The following RSPH3 variants were observed in gnomAD, a reference collection of about 807,000 sequenced individuals.
RSPH3 encodes the protein radial spoke head 3.
RSPH3 carries 21 observed loss-of-function variants against 43.8 expected under a neutral mutation model. The ratio of observed to expected loss-of-function variants is 0.48; its 90% CI spans 0.34 to 0.69. The LOEUF is 0.69. Among genes scored for constraint, RSPH3 ranks in the 30% least tolerant of loss-of-function variants. The pLI is 0.01. For synonymous variants in RSPH3, 173 were observed against 179.8 expected, an observed-to-expected ratio of 0.96 and a Z score of 0.30; for missense variants, 487 against 516.0, an observed-to-expected ratio of 0.94 and a Z score of 0.54.
chr6:158,997,271 C>CTTTTTTTTTTTTTTT (rs35951023), intron 1 of RSPH3, among the ~76,000 whole-genome samples: 1 of 129,102 alleles, frequency 7.7e-6, no homozygotes. Context: ...CTCCTGAACA[C>CTTTTTTTTTTTTTTT]TTTTTTTTTT....
intron 2 of RSPH3, among the ~76,000 whole-genome samples, chr6:158,991,608 T>C (rs371607632): frequency 1.3e-5 from 2 of 152,258 alleles, no homozygotes. Context: ...CCCCACTGGG[T>C]TTGCTGGCAC....
At position 158,999,897 on chromosome 6, in the gene RSPH3, G is replaced by A; in HGVS notation, c.-347C>T. On this transcript the variant is annotated 5_prime_UTR_variant, in exon 1 of 8. Transcript: ENST00000367069. ...GACTTCCGGCTCTTGACTCCGCCCA[G>A]CCGCGCCACCCAGGTAGGTGCGCCT... is the stretch of plus-strand genomic sequence containing the variant. 1 of 1,613,314 alleles carries A rather than the reference G, an allele frequency of 6.2e-7. No homozygotes were observed. The highest frequency in any genetic ancestry group is 8.5e-7 in the Non-Finnish European group (1 of 1,179,870).
At chr6:158,992,135 C>A (rs1361241372) in intron 2 of RSPH3, among the ~76,000 whole-genome samples, 1 of 141,864 alleles carries the variant, frequency 7.0e-6, no homozygotes, top group Non-Finnish European at 1.5e-5. Context: ...ATTTGACATT[C>A]AACAACATTC....
rs1393870085 is a variant in RSPH3 at position 158,976,812 on chromosome 6, CTCTTTTTTT to C, written c.*717_*725del. 1 of 147,964 alleles carries C rather than the reference CTCTTTTTTT, an allele frequency of 6.8e-6. No homozygotes were observed. Among genetic ancestry groups the C allele is most frequent in the Admixed American group, 7.5e-5 (1 of 13,394 alleles). 9.2% of individuals were successfully genotyped at this position (147,964 alleles called of 1,614,324 possible). Reference sequence around the variant, plus strand: ...GTAGCACAACGTTTAGGCATTCTCTCTCTTTTTTTTCTTTTTTTTTTGAGACGGAGTTTT... The same window carrying C: ...GTAGCACAACGTTTAGGCATTCTCTCTCTTTTTTTTTTGAGACGGAGTTTT... On this transcript the variant is annotated 3_prime_UTR_variant, in exon 8 of 8. Transcript: ENST00000367069.
chr6:158,987,127 T>G (rs1280219897), intron 2 of RSPH3, among the ~76,000 whole-genome samples: 1 of 152,224 alleles, frequency 6.6e-6, no homozygotes. Flanking sequence ...TTAGATCTAT[T>G]CATGTTTGCT....
rs778367052 is a variant in RSPH3 at position 158,977,502 on chromosome 6, G to A, written c.*36C>T. ...CATTACCTGATTGCTTGCTGACTTG[G>A]CTGTTGATTGGTTTCATGACTTTGA... On this transcript the variant is annotated 3_prime_UTR_variant, in exon 8 of 8. Coordinates refer to ENST00000367069, the MANE Select transcript of RSPH3 (RefSeq NM_031924.8). The A allele has an allele frequency of 6.5e-7, 1 of 1,545,680 alleles. No individual in the cohort carries two copies.
At chr6:158,991,454 CAA>C (rs201598276) in intron 2 of RSPH3, among the ~76,000 whole-genome samples, 2,706 of 152,300 alleles carry the variant, frequency 0.018, 32 homozygotes, top group Middle Eastern at 0.024. Context: ...CAACTTGTAC[CAA>C]CACATTGGTG....
chr6:158,971,163 G>C (rs1446066446), downstream of RSPH3, among the ~76,000 whole-genome samples: 2 of 152,168 alleles, frequency 1.3e-5, no homozygotes, highest in African/African-American at 2.4e-5. Context: ...CCTTTCAATA[G>C]CTCCTAAGCT....
chr6:158,966,676 T>C, the RSPH3 span, among the ~76,000 whole-genome samples: 1 of 152,128 alleles, frequency 6.6e-6, no homozygotes, highest in African/African-American at 2.4e-5. Flanking sequence ...ATTTCCTTCA[T>C]TCCTAATTTA....
At position 158,982,697 on chromosome 6, in the gene RSPH3, T is replaced by C. The variant is rs747621848; in HGVS notation, c.493-9A>G. 13 of 1,598,142 alleles carry C rather than the reference T, an allele frequency of 8.1e-6. No individual in the cohort carries two copies. The South Asian group carries it at 1.1e-4, about 14-fold the overall frequency. On this transcript the variant is annotated splice_polypyrimidine_tract_variant and intron_variant, in intron 4 of 7. Coordinates refer to ENST00000367069, the MANE Select transcript of RSPH3 (RefSeq NM_031924.8). Reference sequence around the variant, plus strand: ...AGATCAAAGTCAAAGAGCTTAAACATACAAAATAAAGCAAACTTAAAATTT... The same window carrying C: ...AGATCAAAGTCAAAGAGCTTAAACACACAAAATAAAGCAAACTTAAAATTT...
intron 6 of RSPH3, 76 bp downstream of exon 6, chr6:158,980,698 T>C (rs1344256806): frequency 1.0e-5 from 12 of 1,200,496 alleles, no homozygotes; most frequent in South Asian, 8.5e-5. Context: ...AAAATAAAAA[T>C]GGACATAAGA....
rs907382630 is a variant in RSPH3, at chr6:158,999,850, C to T, written c.-300G>A. The T allele has an allele frequency of 1.2e-6, 2 of 1,613,896 alleles. No individual in the cohort carries two copies. The highest frequency in any genetic ancestry group is 1.3e-5 in the African/African-American group (1 of 75,028). On this transcript the variant is annotated 5_prime_UTR_variant, in exon 1 of 8. Coordinates refer to ENST00000367069, the MANE Select transcript of RSPH3 (RefSeq NM_031924.8). Reference sequence around the variant, plus strand: ...GGGCAGTTCCGGTCCCCAGGTTTCCCGGGAAGGACTGCGGCACAAGGGACT... The same window carrying T: ...GGGCAGTTCCGGTCCCCAGGTTTCCTGGGAAGGACTGCGGCACAAGGGACT...
rs538378971 is a variant in RSPH3, at chr6:158,995,695, T to C, written c.117-1769A>G. ...CTGCAAGCTCCGCCTCCTGGGTTCA[T>C]GCCATTCTCCTGCCTCAGCCTCCCG... On this transcript the variant is annotated intron_variant, in intron 1 of 7. Transcript: ENST00000367069. Among the ~76,000 whole-genome samples, 14 of 152,148 alleles carry C rather than the reference T, an allele frequency of 9.2e-5. No individual in the cohort carries two copies. In the East Asian group the frequency reaches 2.3e-3, roughly 25 times the overall value.
intron 2 of RSPH3, among the ~76,000 whole-genome samples, chr6:158,992,518 G>A (rs759166495): frequency 5.4e-5 from 8 of 148,698 alleles, no homozygotes; most frequent in Admixed American, 1.4e-4. Flanking sequence ...GGTCTCAAGC[G>A]CCTGGGCTCA....
intron 4 of RSPH3, 33 bp from the exon 5 acceptor site, chr6:158,982,721 T>G: frequency 6.8e-7 from 1 of 1,462,786 alleles, no homozygotes; most frequent in East Asian, 2.3e-5. Context: ...AACTTAAAAT[T>G]TTAATTACGA....
At position 158,999,753 on chromosome 6, in the gene RSPH3, C is replaced by T; in HGVS notation, c.-203G>A. 10 of 1,611,310 alleles carry T rather than the reference C, an allele frequency of 6.2e-6. No homozygotes were observed. Among genetic ancestry groups the T allele is most frequent in the Non-Finnish European group, 8.5e-6 (10 of 1,178,072 alleles). ...AGCTATACTGGGCTCGCTCCCAGCA[C>T]CACAGAGACCAGCTGCGGGGGCCGC... On this transcript the variant is annotated 5_prime_UTR_variant, in exon 1 of 8. It adds an upstream start codon to the 5' untranslated region. Transcript: ENST00000367069.
chr6:158,975,755 TG>T lies in RSPH3; in HGVS notation c.*1782del, dbSNP rs1158973635. ...TATAGTGAAATACTATATGGGAAAA[TG>T]GGTGCATTCTTTTAAAATTTTTTAA... On this transcript the variant is annotated 3_prime_UTR_variant, in exon 8 of 8. Transcript: ENST00000367069. The T allele has an allele frequency of 6.6e-6, 1 of 152,176 alleles. No homozygotes were observed. The highest frequency in any genetic ancestry group is 1.5e-5 in the Non-Finnish European group (1 of 68,040). The allele number at this position is 152,176 out of a possible 1,614,324, so 9.4% of individuals were successfully genotyped here. A position where few individuals can be genotyped will look rare whatever the true frequency, so the allele number is the denominator to read the frequency against.
chr6:158,984,437 TATATATATATATATATATATATA>T (rs1778150209), intron 3 of RSPH3, among the ~76,000 whole-genome samples: 13 of 49,484 alleles, frequency 2.6e-4, no homozygotes, highest in Admixed American at 4.1e-4. Flanking sequence ...AAGTCAATTA[TATATATATATATATATATATATA>T]TATATATATA....
rs767696783 is a variant in RSPH3, at chr6:158,977,821, C to A, written c.974G>T (p.Arg325Met). The change falls in exon 8 of 8, where the codon AGG becomes ATG. Residue 325 changes from arginine (R) to methionine (M), a missense_variant. Transcript: ENST00000367069. ...TTCCCCATGCTCATACATACACAGC[C>A]TCTTTTCAACCACCTCACGGATCAA... is the stretch of plus-strand genomic sequence containing the variant. Reference protein sequence around the residue: ...DMLIREVVEKRLCMYEHGEDT... With the variant: ...DMLIREVVEKMLCMYEHGEDT... 6.2e-7 allele frequency: 1 copy of A among 1,612,280 alleles called. No homozygotes were observed. Among genetic ancestry groups the A allele is most frequent in the Non-Finnish European group, 8.5e-7 (1 of 1,179,488 alleles).
Sources: allele counts gnomAD v4.1 joint callset (sites outside exome capture counted in the v4.1 genomes callset), GRCh38; gene constraint gnomAD v4.1.1; transcripts MANE v1.5; gene names NCBI Gene and HGNC (gene_info 2026-07-23, HGNC 2026-07-21).